DTX4: variants seen among roughly 807,000 people sequenced by gnomAD.
The protein encoded by DTX4 is E3 ubiquitin-protein ligase DTX4.
In DTX4, 28 loss-of-function variants were observed where a neutral mutation model predicts 57.6. The observed-to-expected ratio is 0.49, with a 90% CI of 0.36 to 0.67. The LOEUF (loss-of-function observed/expected upper bound fraction) is 0.67, where lower values mean the gene tolerates loss of function less well. Among genes scored for constraint, DTX4 ranks in the 30% least tolerant of loss-of-function variants. DTX4 has a pLI of 0.00. For missense variants in DTX4, 715 were observed against 836.8 expected (o/e 0.85, Z 1.80); for synonymous variants, 316 against 331.0 (o/e 0.95, Z 0.49).
intron 8 of DTX4, among the ~76,000 whole-genome samples, chr11:59,201,927 T>A (rs1423694946): frequency 2.0e-5 from 3 of 152,234 alleles, no homozygotes; most frequent in Non-Finnish European, 4.4e-5. Flanking sequence ...CTTCTTGGAC[T>A]CCTGTTCTTA....
intron 2 of DTX4, among the ~76,000 whole-genome samples, chr11:59,185,070 G>A (rs558906346): frequency 6.6e-6 from 1 of 152,316 alleles, no homozygotes; most frequent in South Asian, 2.1e-4. Flanking sequence ...TGAAGAGAAA[G>A]GTTTGGGGGC....
chr11:59,191,011 T>C (rs1862590642), intron 4 of DTX4, 103 bp from the exon 5 acceptor site: 2 of 1,107,176 alleles, frequency 1.8e-6, no homozygotes, highest in Non-Finnish European at 2.6e-6. Context: ...CTTTTTGCTT[T>C]TAACTTGCCT....
intron 1 of DTX4, among the ~76,000 whole-genome samples, chr11:59,180,597 A>T (rs1331796699): frequency 6.6e-6 from 1 of 152,164 alleles, no homozygotes; most frequent in Non-Finnish European, 1.5e-5. Context: ...AAGCTGACAG[A>T]TGCAGAGATT....
Position 59,192,080 on chromosome 11 carries a change from T to A in DTX4, c.1222-18T>A. ...GTGAGAGCTGACAGCCTCTCTGCTG[T>A]GTCTCCTCCCTCCCCAGGACTGCAC... On this transcript the variant is annotated intron_variant, in intron 5 of 8. Transcript: ENST00000227451. 6.2e-7 allele frequency: 1 copy of A among 1,605,954 alleles called. No individual in the cohort carries two copies. Among genetic ancestry groups the A allele is most frequent in the African/African-American group, 1.3e-5 (1 of 74,862 alleles).
At position 59,188,822 on chromosome 11, in the gene DTX4, G is replaced by T. The variant is rs141586129; in HGVS notation, c.997+26G>T. Reference sequence around the variant, plus strand: ...GTAAGAGAAACCCCAGGATGCTCTGGGTTAAGGTAGAGAAATCAGAGTGAT... The same window carrying T: ...GTAAGAGAAACCCCAGGATGCTCTGTGTTAAGGTAGAGAAATCAGAGTGAT... On this transcript the variant is annotated intron_variant, in intron 3 of 8. Coordinates refer to ENST00000227451, the MANE Select transcript of DTX4 (RefSeq NM_015177.2). The T allele has an allele frequency of 1.1e-3, 1,752 of 1,596,368 alleles. 25 individuals carry two copies. The East Asian group carries it at 0.035, about 32-fold the overall frequency.
At chr11:59,198,276 C>T (rs890951430) in intron 7 of DTX4, among the ~76,000 whole-genome samples, 1 of 152,172 alleles carries the variant, frequency 6.6e-6, no homozygotes, top group African/African-American at 2.4e-5. Flanking sequence ...GCCACACAAG[C>T]GGCAGTCGAA....
At chr11:59,202,840 A>G (rs1031355384) in intron 8 of DTX4, among the ~76,000 whole-genome samples, 6 of 152,244 alleles carry the variant, frequency 3.9e-5, no homozygotes, top group Admixed American at 2.6e-4. Context: ...TCATACAAAC[A>G]TCGCAGAGTG....
intron 1 of DTX4, 107 bp from the exon 2 acceptor site, chr11:59,181,632 G>A: frequency 6.9e-7 from 1 of 1,454,662 alleles, no homozygotes; most frequent in Non-Finnish European, 9.3e-7. Flanking sequence ...TACACAGTAG[G>A]ACTTGTTTCA....
At chr11:59,175,602 G>A (rs1862386385) in intron 1 of DTX4, among the ~76,000 whole-genome samples, 1 of 152,224 alleles carries the variant, frequency 6.6e-6, no homozygotes. Flanking sequence ...GGGTGAGATA[G>A]ATGGGACTGG....
Position 59,191,117 on chromosome 11 carries a change from A to G in DTX4, c.1163A>G (p.Lys388Arg). Residue 388 changes from lysine to arginine, a missense_variant, in exon 5 of 9, where the codon AAA becomes AGA. By Grantham distance (26) the Lys-to-Arg change is conservative. Coordinates refer to ENST00000227451, the MANE Select transcript of DTX4 (RefSeq NM_015177.2). The part of the protein sequence containing the change: ...KTTKKQAKKG[K>R]TPEEVLKKYL... ...ACTGAACCTCCTGTCTCTGCAGGTAAAACCCCAGAGGAAGTGCTAAAAAAA... is the reference window on the plus strand; with the variant it reads ...ACTGAACCTCCTGTCTCTGCAGGTAGAACCCCAGAGGAAGTGCTAAAAAAA... The G allele has an allele frequency of 6.4e-7, 1 of 1,569,564 alleles. No homozygotes were observed. Among genetic ancestry groups the G allele is most frequent in the South Asian group, 1.2e-5 (1 of 84,934 alleles).
chr11:59,172,231 A>G lies in DTX4; in HGVS notation c.-365A>G, dbSNP rs958789310. ...GGGTCCTTGCCTCGCCGTCAGCCCCAGCTCGCGGCCGCCGGGGCTCGGGCC... is the reference window on the plus strand; with the variant it reads ...GGGTCCTTGCCTCGCCGTCAGCCCCGGCTCGCGGCCGCCGGGGCTCGGGCC... On this transcript the variant is annotated 5_prime_UTR_variant, in exon 1 of 9. Coordinates refer to ENST00000227451, the MANE Select transcript of DTX4 (RefSeq NM_015177.2). 1.3e-5 allele frequency among the ~76,000 whole-genome samples: 2 copies of G among 152,008 alleles called. No homozygotes were observed. Among genetic ancestry groups the G allele is most frequent in the African/African-American group, 4.8e-5 (2 of 41,408 alleles).
At position 59,172,718 on chromosome 11, in the gene DTX4, G is replaced by A. The variant is rs766097271; in HGVS notation, c.123G>A (p.Gly41=). The A allele has an allele frequency of 3.1e-6, 5 of 1,603,786 alleles. No individual in the cohort carries two copies. In the South Asian group the frequency reaches 4.5e-5, roughly 14 times the overall value. Reference sequence around the variant, plus strand: ...TGGTCCGCGCCGGCCCCCGCGCGGGGGGCAGCGTGGTGCTGGGCCAGGTGG... The same window carrying A: ...TGGTCCGCGCCGGCCCCCGCGCGGGAGGCAGCGTGGTGCTGGGCCAGGTGG... ...EAVVRAGPRA[G]GSVVLGQVDS... The change falls in exon 1 of 9, where the codon GGG becomes GGA. Residue 41 remains glycine, a synonymous_variant. Transcript: ENST00000227451.
chr11:59,190,126 C>T (rs2135520247), intron 4 of DTX4, among the ~76,000 whole-genome samples: 1 of 152,308 alleles, frequency 6.6e-6, no homozygotes, highest in Admixed American at 6.5e-5. Context: ...AAAGGGCCTG[C>T]ATCGAAGCTT....
intron 1 of DTX4, among the ~76,000 whole-genome samples, chr11:59,181,031 A>T (rs1474842528): frequency 6.7e-6 from 1 of 149,774 alleles, no homozygotes; most frequent in Admixed American, 6.7e-5. Context: ...GTAACACACC[A>T]TTTTTTTTTT....
At chr11:59,197,337 G>A (rs1377492223) in intron 7 of DTX4, among the ~76,000 whole-genome samples, 1 of 152,124 alleles carries the variant, frequency 6.6e-6, no homozygotes, top group Non-Finnish European at 1.5e-5. Flanking sequence ...GTGGGAGGAG[G>A]TAAGAGGGTT....
chr11:59,199,388 C>T (rs1862713400), intron 7 of DTX4, among the ~76,000 whole-genome samples: 3 of 152,198 alleles, frequency 2.0e-5, no homozygotes, highest in South Asian at 2.1e-4. Flanking sequence ...ACATTTATAA[C>T]AGCCCCATAA....
intron 2 of DTX4, 52 bp from the exon 3 acceptor site, chr11:59,188,683 C>T: frequency 6.8e-7 from 1 of 1,461,930 alleles, no homozygotes; most frequent in South Asian, 1.1e-5. Context: ...AATACTGGTC[C>T]ATTTTGTTCC....
At chr11:59,186,599 G>A (rs1469529716) in intron 2 of DTX4, among the ~76,000 whole-genome samples, 4 of 152,192 alleles carry the variant, frequency 2.6e-5, no homozygotes, top group Non-Finnish European at 5.9e-5. Context: ...ATATTGGTGG[G>A]AAGTTGTCAG....
chr11:59,204,287 G>A (rs1233462199), intron 8 of DTX4, among the ~76,000 whole-genome samples: 1 of 152,160 alleles, frequency 6.6e-6, no homozygotes, highest in Non-Finnish European at 1.5e-5. Context: ...CCTAGATCCT[G>A]TCTTTCAAAA....
Sources: allele counts gnomAD v4.1 joint callset (sites outside exome capture counted in the v4.1 genomes callset), GRCh38; gene constraint gnomAD v4.1.1; transcripts MANE v1.5; gene names NCBI Gene and HGNC (gene_info 2026-07-23, HGNC 2026-07-21).